The following GARIN1B variants were observed in gnomAD, a reference collection of about 807,000 sequenced individuals.
The protein encoded by GARIN1B is Golgi-associated RAB2 interactor protein 1B.
chr7:128,721,822 A>G, the GARIN1B span, among the ~76,000 whole-genome samples: 1 of 152,178 alleles, frequency 6.6e-6, no homozygotes, highest in African/African-American at 2.4e-5. Context: ...AATGGGTATT[A>G]GATTTGTTAA....
At chr7:128,730,145 G>A in the GARIN1B span, 1 of 1,464,816 alleles carries the variant, frequency 6.8e-7, no homozygotes, top group Non-Finnish European at 9.2e-7. Flanking sequence ...TCAGATCCTG[G>A]GGTCCTGAGG....
At chr7:128,723,598 G>A in the GARIN1B span, among the ~76,000 whole-genome samples, 1 of 141,948 alleles carries the variant, frequency 7.0e-6, no homozygotes, top group Non-Finnish European at 1.5e-5. Context: ...TCACTCCGTC[G>A]CCCAGGGTTC....
chr7:128,729,907 G>T, the GARIN1B span: 1 of 1,613,366 alleles, frequency 6.2e-7, no homozygotes, highest in African/African-American at 1.3e-5. Flanking sequence ...TCTAGGGAAA[G>T]ATTCTTCCCG....
At chr7:128,712,929 C>T in the GARIN1B span, among the ~76,000 whole-genome samples, 2 of 152,160 alleles carry the variant, frequency 1.3e-5, no homozygotes, top group African/African-American at 4.8e-5. Context: ...CATGGTCTTA[C>T]CTAGCTGCAA....
the GARIN1B span, chr7:128,730,049 C>T: frequency 6.2e-7 from 1 of 1,614,026 alleles, no homozygotes; most frequent in Non-Finnish European, 8.5e-7. Context: ...TCCACCGGGC[C>T]ACAGCTGGCC....
chr7:128,712,035 C>T, the GARIN1B span, among the ~76,000 whole-genome samples: 66 of 151,888 alleles, frequency 4.3e-4, no homozygotes, highest in Admixed American at 2.6e-4. Flanking sequence ...AGCGAGACTC[C>T]GCCTCAAAAA....
At chr7:128,729,038 G>A in the GARIN1B span, among the ~76,000 whole-genome samples, 38 of 152,322 alleles carry the variant, frequency 2.5e-4, no homozygotes, top group East Asian at 6.4e-3. Context: ...TGGGACTTGA[G>A]AAAACAGCTA....
chr7:128,718,958 C>A, the GARIN1B span: 1 of 1,614,178 alleles, frequency 6.2e-7, no homozygotes, highest in East Asian at 2.2e-5. Flanking sequence ...GACTGTCTTC[C>A]ACTTCTGGAT....
At chr7:128,716,770 C>G in the GARIN1B span, 7 of 1,543,214 alleles carry the variant, frequency 4.5e-6, no homozygotes, top group Non-Finnish European at 6.1e-6. Flanking sequence ...CAGACTGCAG[C>G]TTTTGCCAAA....
the GARIN1B span, among the ~76,000 whole-genome samples, chr7:128,720,729 C>T: frequency 5.0e-4 from 76 of 152,154 alleles, no homozygotes; most frequent in African/African-American, 1.7e-3. Flanking sequence ...CTATTCCTTC[C>T]CACATTGAAT....
chr7:128,711,878 T>C, the GARIN1B span, among the ~76,000 whole-genome samples: 3 of 152,100 alleles, frequency 2.0e-5, no homozygotes, highest in Non-Finnish European at 4.4e-5. Flanking sequence ...CCGTCTCTAC[T>C]AAAAATACAA....
At chr7:128,729,069 A>T in the GARIN1B span, among the ~76,000 whole-genome samples, 1 of 152,226 alleles carries the variant, frequency 6.6e-6, no homozygotes, top group Non-Finnish European at 1.5e-5. Context: ...GTCGCAGGGT[A>T]TCTGGCATCA....
At chr7:128,722,618 A>G in the GARIN1B span, among the ~76,000 whole-genome samples, 1 of 152,122 alleles carries the variant, frequency 6.6e-6, no homozygotes. Flanking sequence ...AGCCTGGCCA[A>G]CATGGTGAAA....
At chr7:128,730,120 A>T in the GARIN1B span, 1 of 1,583,714 alleles carries the variant, frequency 6.3e-7, no homozygotes. Flanking sequence ...CCTGGCATTC[A>T]GCCTCAGGGC....
the GARIN1B span, chr7:128,723,477 T>C: frequency 1.1e-5 from 8 of 736,396 alleles, no homozygotes; most frequent in Non-Finnish European, 1.6e-5. Context: ...CTTTGGGAGG[T>C]CAAGGCAGAT....
At chr7:128,719,172 T>C in the GARIN1B span, 3 of 1,393,490 alleles carry the variant, frequency 2.2e-6, no homozygotes, top group Non-Finnish European at 2.0e-6. Context: ...CCTATGAAGG[T>C]GATCTCAGTG....
the GARIN1B span, among the ~76,000 whole-genome samples, chr7:128,722,576 T>C: frequency 2.4e-4 from 36 of 152,020 alleles, no homozygotes; most frequent in African/African-American, 8.0e-4. Context: ...GAGGCCAAGG[T>C]GGGCAGATCA....
chr7:128,709,859 C>G, the GARIN1B span, among the ~76,000 whole-genome samples: 2 of 150,278 alleles, frequency 1.3e-5, no homozygotes, highest in Non-Finnish European at 3.0e-5. Context: ...TCAAGCGATT[C>G]TCCTGCCTCA....
the GARIN1B span, among the ~76,000 whole-genome samples, chr7:128,711,658 G>GACACACAC: frequency 5.2e-4 from 75 of 144,970 alleles, no homozygotes; most frequent in African/African-American, 1.8e-3. Flanking sequence ...TGGTTTTACA[G>GACACACAC]ACACACACAC....
Sources: allele counts gnomAD v4.1 joint callset (sites outside exome capture counted in the v4.1 genomes callset), GRCh38; gene constraint gnomAD v4.1.1; transcripts MANE v1.5; gene names NCBI Gene and HGNC (gene_info 2026-07-23, HGNC 2026-07-21).